Variants in DLC1 observed in about 807,000 individuals in gnomAD.
The protein encoded by DLC1 is rho GTPase-activating protein 7.
In DLC1, 54 loss-of-function variants were observed where a neutral mutation model predicts 140.3. The observed-to-expected ratio is 0.38, with a 90% CI of 0.31 to 0.48. The LOEUF is 0.48. Among genes scored for constraint, DLC1 ranks in the 20% least tolerant of loss-of-function variants. DLC1 has a pLI of 0.96. For missense variants in DLC1, 2,536 were observed against 1,907.0 expected, an observed-to-expected ratio of 1.33 and a Z score of -6.14; for synonymous variants, 986 against 728.1, an observed-to-expected ratio of 1.35 and a Z score of -5.70.
At chr8:13,580,950 A>T (rs1805072640) in intron 1 of DLC1, among the ~76,000 whole-genome samples, 2 of 152,094 alleles carry the variant, frequency 1.3e-5, no homozygotes. Context: ...GCATGATTTG[A>T]GCTTCCCACC....
intron 4 of DLC1, among the ~76,000 whole-genome samples, chr8:13,371,544 C>T (rs1263910016): frequency 1.3e-5 from 2 of 150,944 alleles, no homozygotes; most frequent in South Asian, 2.1e-4. Flanking sequence ...CTCAAACATG[C>T]GGTGGACTTT....
chr8:13,315,799 C>T (rs529570990), intron 4 of DLC1, among the ~76,000 whole-genome samples: 7 of 152,284 alleles, frequency 4.6e-5, no homozygotes, highest in African/African-American at 1.7e-4. Context: ...CTGGGATAAT[C>T]TTGATTTCAC....
chr8:13,340,331 G>T (rs1459493125), intron 4 of DLC1: 3 of 152,254 alleles, frequency 2.0e-5, no homozygotes, highest in African/African-American at 7.2e-5. Flanking sequence ...CTCCTGAGTT[G>T]CTGGGATTAC....
intron 2 of DLC1, among the ~76,000 whole-genome samples, chr8:13,414,309 C>T (rs1210183545): frequency 6.6e-6 from 1 of 152,084 alleles, no homozygotes; most frequent in Non-Finnish European, 1.5e-5. Context: ...CTAAAGTATA[C>T]CTAAGATAAT....
intron 5 of DLC1, among the ~76,000 whole-genome samples, chr8:13,178,572 C>CA (rs75910995): frequency 0.056 from 4,376 of 78,836 alleles, 90 homozygotes; most frequent in Middle Eastern, 0.078. Context: ...GACTCTGCCT[C>CA]AAAAAAAAAA....
At chr8:13,598,161 G>A (rs1295423807) in intron 1 of DLC1, among the ~76,000 whole-genome samples, 1 of 151,958 alleles carries the variant, frequency 6.6e-6, no homozygotes, top group East Asian at 1.9e-4. Context: ...TTATTAAAAT[G>A]TAAAGTAAAA....
chr8:13,499,059 C>A lies in DLC1; in HGVS notation c.1013G>T (p.Arg338Leu). The A allele has an allele frequency of 6.2e-7, 1 of 1,609,216 alleles. No homozygotes were observed. The highest frequency in any genetic ancestry group is 8.5e-7 in the Non-Finnish European group (1 of 1,178,008). ...QEPTDNQVRL[R>L]KRKEIREDRD... is the part of the protein sequence containing the mutation. ...GTGCATATGTCTTACCTTTCTCTTA[C>A]GAAGTCTGACTTGGTTATCTGTGGG... Residue 338 changes from arginine to leucine, a missense_variant, in exon 2 of 18, where the codon CGT becomes CTT. Coordinates refer to ENST00000276297, the MANE Select transcript of DLC1 (RefSeq NM_182643.3).
At chr8:13,577,622 A>C (rs1804889747) in intron 1 of DLC1, among the ~76,000 whole-genome samples, 1 of 152,214 alleles carries the variant, frequency 6.6e-6, no homozygotes, top group African/African-American at 2.4e-5. Context: ...GTATAGGGGA[A>C]AACAAATACT....
intron 13 of DLC1, among the ~76,000 whole-genome samples, chr8:13,092,010 G>T (rs989353863): frequency 6.6e-6 from 1 of 152,176 alleles, no homozygotes; most frequent in African/African-American, 2.4e-5. Context: ...ACTTTGGGAG[G>T]CTAAGCCGGG....
intron 1 of DLC1, among the ~76,000 whole-genome samples, chr8:13,581,019 A>G (rs1307431854): frequency 6.6e-6 from 1 of 152,228 alleles, no homozygotes; most frequent in Admixed American, 6.5e-5. Context: ...GTAGGGCAGG[A>G]GAAGAGAAAG....
rs150773818 is a variant in DLC1 at position 13,323,151 on chromosome 8, G to T, written c.1315-17849C>A. ...CTCTGTTCCTGAATTTCTGGCACAC[G>T]GCAACTGTGTGAGATTATATACGTT... On this transcript the variant is annotated intron_variant, in intron 4 of 17. Transcript: ENST00000276297. Among the ~76,000 whole-genome samples the T allele has an allele frequency of 4.9e-3, 739 of 152,262 alleles. 3 individuals are homozygous for T. The highest frequency in any genetic ancestry group is 8.0e-3 in the Non-Finnish European group (546 of 68,022).
chr8:13,385,433 A>C (rs994009893), intron 4 of DLC1, among the ~76,000 whole-genome samples: 4 of 152,212 alleles, frequency 2.6e-5, no homozygotes, highest in African/African-American at 9.6e-5. Context: ...GCTAAAACCC[A>C]ACAATGACAA....
intron 5 of DLC1, among the ~76,000 whole-genome samples, chr8:13,242,890 C>T (rs747089771): frequency 3.9e-5 from 6 of 151,918 alleles, no homozygotes; most frequent in Non-Finnish European, 8.8e-5. Context: ...TGGTTTGATG[C>T]TGTGTCCCAA....
intron 2 of DLC1, among the ~76,000 whole-genome samples, chr8:13,407,311 G>T (rs780938846): frequency 6.6e-6 from 1 of 152,116 alleles, no homozygotes; most frequent in Non-Finnish European, 1.5e-5. Context: ...ATTCTGTGAG[G>T]CTTAAACAAC....
At chr8:13,208,967 C>G (rs1235356874) in intron 5 of DLC1, among the ~76,000 whole-genome samples, 1 of 152,098 alleles carries the variant, frequency 6.6e-6, no homozygotes, top group Non-Finnish European at 1.5e-5. Context: ...CCACACATGA[C>G]TATTTTAGTT....
intron 5 of DLC1, among the ~76,000 whole-genome samples, chr8:13,233,073 T>C (rs1418437388): frequency 1.3e-5 from 2 of 152,048 alleles, no homozygotes; most frequent in Non-Finnish European, 2.9e-5. Context: ...AGTGGATGTA[T>C]CACTTGAGGC....
At chr8:13,086,545 G>A (rs989607425) in intron 16 of DLC1, 82 bp from the exon 17 acceptor site, 2 of 1,520,772 alleles carry the variant, frequency 1.3e-6, no homozygotes, top group Non-Finnish European at 1.8e-6. Context: ...TTCACTATTT[G>A]CAGTGTGGTG....
At chr8:13,124,075 T>A (rs879764039) in intron 5 of DLC1, among the ~76,000 whole-genome samples, 4 of 152,252 alleles carry the variant, frequency 2.6e-5, no homozygotes, top group Non-Finnish European at 5.9e-5. Context: ...TATTTTTATA[T>A]ATTTTTAAAT....
At chr8:13,273,043 A>G (rs1193365078) in intron 5 of DLC1, among the ~76,000 whole-genome samples, 2 of 152,200 alleles carry the variant, frequency 1.3e-5, no homozygotes, top group African/African-American at 2.4e-5. Context: ...GGTTTCCTCT[A>G]TAATTCTATA....
Sources: gnomAD v4.1 joint callset for allele counts (sites outside exome capture counted in the v4.1 genomes callset) on GRCh38, gnomAD v4.1.1 for gene constraint, MANE v1.5 for transcripts, NCBI Gene and HGNC (gene_info 2026-07-23, HGNC 2026-07-21) for gene names.